Variants in TRPM7 observed in about 807,000 individuals in gnomAD.
The protein encoded by TRPM7 is LTRPC ion channel family member 7.
A neutral mutation model predicts 229.7 loss-of-function variants in TRPM7; 134 were observed. The ratio of observed to expected loss-of-function variants is 0.58; its 90% confidence interval spans 0.51 to 0.67. The LOEUF (loss-of-function observed/expected upper bound fraction) is 0.67. Ranked by LOEUF, TRPM7 falls within the 30% of genes least tolerant of loss-of-function variation. The pLI, the probability that TRPM7 is intolerant of heterozygous loss-of-function variation, is 0.00. For synonymous variants in TRPM7, 699 were observed against 715.2 expected (o/e 0.98, Z 0.36); for missense variants, 1,901 against 2,210.0 (o/e 0.86, Z 2.80).
At chr15:50,609,283 C>A (rs2060000308) in intron 19 of TRPM7, among the ~76,000 whole-genome samples, 1 of 152,104 alleles carries the variant, frequency 6.6e-6, no homozygotes, top group Non-Finnish European at 1.5e-5. Context: ...CTCTTTTGGT[C>A]CATCTTTTAT....
At chr15:50,586,205 C>A (rs931610072) in intron 28 of TRPM7, among the ~76,000 whole-genome samples, 187 bp downstream of exon 28, 1 of 152,136 alleles carries the variant, frequency 6.6e-6, no homozygotes, top group Non-Finnish European at 1.5e-5. Flanking sequence ...AAAACATATT[C>A]TAATAAAACA....
intron 16 of TRPM7, 120 bp from the exon 17 acceptor site, chr15:50,611,441 T>C: frequency 1.3e-6 from 1 of 752,978 alleles, no homozygotes; most frequent in South Asian, 1.9e-5. Context: ...TACAGAATTA[T>C]GAGGCATTAA....
intron 1 of TRPM7, among the ~76,000 whole-genome samples, chr15:50,682,978 C>T (rs2062274860): frequency 6.6e-6 from 1 of 151,236 alleles, no homozygotes; most frequent in Non-Finnish European, 1.5e-5. Flanking sequence ...CTCACTGCAA[C>T]CTCAAGCCAT....
At chr15:50,579,027 C>T (rs571755782) in intron 30 of TRPM7, among the ~76,000 whole-genome samples, 218 of 152,166 alleles carry the variant, frequency 1.4e-3, no homozygotes, top group Middle Eastern at 3.4e-3. Flanking sequence ...GATGACTTTG[C>T]AGGATGCTAG....
intron 1 of TRPM7, 124 bp downstream of exon 1, chr15:50,686,407 A>C: frequency 2.0e-6 from 3 of 1,520,702 alleles, no homozygotes; most frequent in Non-Finnish European, 2.7e-6. Flanking sequence ...CGGAAGCCTC[A>C]AGGCAATTCG....
chr15:50,623,705 G>T (rs956976878), intron 12 of TRPM7, among the ~76,000 whole-genome samples: 1 of 151,466 alleles, frequency 6.6e-6, no homozygotes, highest in East Asian at 1.9e-4. Flanking sequence ...TACGAGAATA[G>T]TAAGTTTTCA....
At chr15:50,614,922 C>T (rs540733374) in intron 13 of TRPM7, among the ~76,000 whole-genome samples, 11 of 152,120 alleles carry the variant, frequency 7.2e-5, no homozygotes, top group African/African-American at 2.6e-4. Flanking sequence ...GTAATCCCAG[C>T]ACTTTGGGAA....
At chr15:50,569,657 T>G (rs2053774881) in intron 38 of TRPM7, among the ~76,000 whole-genome samples, 2 of 152,144 alleles carry the variant, frequency 1.3e-5, no homozygotes, top group Admixed American at 1.3e-4. Context: ...TGAGCACAAT[T>G]CCTGGCATTC....
chr15:50,596,473 T>A lies in TRPM7; in HGVS notation c.3164-92A>T, dbSNP rs542114560. 1.7e-5 allele frequency: 18 copies of A among 1,035,436 alleles called. No homozygotes were observed. In the South Asian group the frequency reaches 4.1e-4, roughly 24 times the overall value. 64.1% of individuals were successfully genotyped at this position (1,035,436 alleles called of 1,614,324 possible). A position where few individuals can be genotyped will look rare whatever the true frequency, so the allele number is the denominator to read the frequency against. ...TCATGAGTGTTTCTGGTTATTTATTTACTTAAAGTAAGTTTCGATTATGTA... is the reference window on the plus strand; with the variant it reads ...TCATGAGTGTTTCTGGTTATTTATTAACTTAAAGTAAGTTTCGATTATGTA... On this transcript the variant is annotated intron_variant, in intron 22 of 38. Coordinates refer to ENST00000646667, the MANE Select transcript of TRPM7 (RefSeq NM_017672.6).
At chr15:50,607,350 C>T in intron 19 of TRPM7, 22 bp from the exon 20 acceptor site, 5 of 1,503,028 alleles carry the variant, frequency 3.3e-6, no homozygotes, top group Non-Finnish European at 4.5e-6. Flanking sequence ...GTAAAGGTTA[C>T]ATAAATAACA....
chr15:50,588,314 A>C (rs2059395418), intron 27 of TRPM7: 1 of 798,306 alleles, frequency 1.3e-6, no homozygotes, highest in African/African-American at 1.9e-5. Flanking sequence ...GAAAGGAAAA[A>C]ACCCAGGTAA....
chr15:50,668,866 A>G (rs1397780722), intron 1 of TRPM7, among the ~76,000 whole-genome samples: 5 of 152,182 alleles, frequency 3.3e-5, no homozygotes, highest in East Asian at 1.9e-4. Context: ...ACAGGACACA[A>G]TTGGAGAAAC....
At chr15:50,623,576 A>T (rs2060479305) in intron 12 of TRPM7, among the ~76,000 whole-genome samples, 2 of 151,692 alleles carry the variant, frequency 1.3e-5, no homozygotes, top group South Asian at 4.2e-4. Context: ...ATCTTTGAAA[A>T]TCAAGTTAAG....
intron 3 of TRPM7, among the ~76,000 whole-genome samples, chr15:50,649,163 C>T (rs535223943): frequency 7.2e-5 from 11 of 151,974 alleles, no homozygotes; most frequent in African/African-American, 2.4e-4. Context: ...GTATTTACAC[C>T]GGCTGTGGCT....
At chr15:50,670,538 G>A (rs1335842942) in intron 1 of TRPM7, among the ~76,000 whole-genome samples, 1 of 151,982 alleles carries the variant, frequency 6.6e-6, no homozygotes, top group Non-Finnish European at 1.5e-5. Flanking sequence ...ACTCTAACCA[G>A]CACCATGACA....
intron 6 of TRPM7, among the ~76,000 whole-genome samples, chr15:50,638,535 G>A (rs1187437679): frequency 6.6e-6 from 1 of 150,860 alleles, no homozygotes; most frequent in Non-Finnish European, 1.5e-5. Flanking sequence ...GGCGACAAGA[G>A]TGAAACTCCA....
rs532124325 is a variant in TRPM7, at chr15:50,572,868, G to C, written c.5308+1406C>G. Among the ~76,000 whole-genome samples, 5 of 152,246 alleles carry C rather than the reference G, an allele frequency of 3.3e-5. No homozygotes were observed. The South Asian group carries it at 6.2e-4, about 19-fold the overall frequency. On this transcript the variant is annotated intron_variant, in intron 36 of 38. Transcript: ENST00000646667. The stretch of plus-strand genomic sequence containing the variant: ...TGAGTAATAAACATTCTAAACAATT[G>C]TTCTCATGTGATTTAAAATCTGGTC...
rs533692398 is a variant in TRPM7, at chr15:50,650,894, A to C, written c.123-2009T>G. The stretch of plus-strand genomic sequence containing the variant: ...TCACTATTGTCAGCATGCATGAAAA[A>C]TTCCCAGACATTGGCCGGGCGTGGT... On this transcript the variant is annotated intron_variant, in intron 3 of 38. Coordinates refer to ENST00000646667, the MANE Select transcript of TRPM7 (RefSeq NM_017672.6). Among the ~76,000 whole-genome samples, 383 of 152,344 alleles carry C rather than the reference A, an allele frequency of 2.5e-3. 3 individuals carry two copies. The highest frequency in any genetic ancestry group is 7.9e-3 in the South Asian group (38 of 4,830).
chr15:50,645,632 G>A (rs1057319840), intron 4 of TRPM7, among the ~76,000 whole-genome samples: 11 of 152,000 alleles, frequency 7.2e-5, no homozygotes, highest in Non-Finnish European at 1.2e-4. Context: ...GTGCCCAGCC[G>A]GATTTGTTCT....
Sources: gnomAD v4.1 joint callset for allele counts (sites outside exome capture counted in the v4.1 genomes callset) on GRCh38, gnomAD v4.1.1 for gene constraint, MANE v1.5 for transcripts, NCBI Gene and HGNC (gene_info 2026-07-23, HGNC 2026-07-21) for gene names.